Variants in GLRA3 observed in about 807,000 individuals in gnomAD.
GLRA3 encodes glycine receptor subunit alpha-3.
GLRA3 carries 44 observed loss-of-function variants against 60.4 expected under a neutral mutation model. The ratio of observed to expected loss-of-function variants is 0.73; its 90% CI spans 0.57 to 0.94. GLRA3 has a LOEUF of 0.94. Among genes scored for constraint, GLRA3 ranks in the 40% least tolerant of loss-of-function variants. The probability of loss-of-function intolerance (pLI) is 0.00; values close to 1 mark genes in which losing one functional copy is unlikely to be tolerated. For synonymous variants in GLRA3, 223 were observed against 192.9 expected, an observed-to-expected ratio of 1.16 and a Z score of -1.29; for missense variants, 508 against 564.6, an observed-to-expected ratio of 0.90 and a Z score of 1.02.
Position 174,643,600 on chromosome 4 carries a change from T to A in GLRA3, c.*186A>T. 1 of 1,303,406 alleles carries A rather than the reference T, an allele frequency of 7.7e-7. No homozygotes were observed. The highest frequency in any genetic ancestry group is 9.8e-7 in the Non-Finnish European group (1 of 1,022,174). The allele number at this position is 1,303,406 out of a possible 1,614,324, so 80.7% of individuals were successfully genotyped here. Reference sequence around the variant, plus strand: ...AGAATCCCCTAATAAATATTTTATATTCATTAAAAGAATCTCATCTTTCTC... The same window carrying A: ...AGAATCCCCTAATAAATATTTTATAATCATTAAAAGAATCTCATCTTTCTC... On this transcript the variant is annotated 3_prime_UTR_variant, in exon 10 of 10. Transcript: ENST00000274093.
chr4:174,730,841 G>A (rs1017094966), intron 3 of GLRA3, among the ~76,000 whole-genome samples: 3 of 152,066 alleles, frequency 2.0e-5, no homozygotes, highest in African/African-American at 7.2e-5. Flanking sequence ...TTTAGTTTAG[G>A]GAAGTAAGAA....
intron 5 of GLRA3, 150 bp from the exon 6 acceptor site, chr4:174,683,089 C>A: frequency 1.6e-6 from 1 of 611,916 alleles, no homozygotes; most frequent in South Asian, 2.1e-5. Context: ...TGCCCAATTC[C>A]GTTTCATAAA....
chr4:174,778,940 CG>C lies in GLRA3; in HGVS notation c.199+9875del, dbSNP rs1247320110. ...GGCTTGCTTAGGTAAACAAAGCAGC[CG>C]GGAAGCTCCAACTGGGTGGAGCCCA... is the stretch of plus-strand genomic sequence containing the variant. On this transcript the variant is annotated intron_variant, in intron 2 of 9. Transcript: ENST00000274093. Among the ~76,000 whole-genome samples, 1,444 of 152,142 alleles carry C rather than the reference CG, an allele frequency of 9.5e-3. 24 individuals are homozygous for C. Among genetic ancestry groups the C allele is most frequent in the African/African-American group, 0.033 (1,362 of 41,500 alleles).
intron 1 of GLRA3, among the ~76,000 whole-genome samples, chr4:174,803,068 C>T (rs1471688985): frequency 6.6e-6 from 1 of 152,050 alleles, no homozygotes. Context: ...AAATATATGA[C>T]AAAAATTAGT....
intron 1 of GLRA3, among the ~76,000 whole-genome samples, chr4:174,811,123 G>T (rs943830165): frequency 6.8e-6 from 1 of 146,784 alleles, no homozygotes; most frequent in South Asian, 2.1e-4. Flanking sequence ...ACAGAGAGAT[G>T]CATGCACTCA....
chr4:174,769,606 T>C (rs1307133812), intron 2 of GLRA3, among the ~76,000 whole-genome samples: 2 of 152,116 alleles, frequency 1.3e-5, no homozygotes, highest in Non-Finnish European at 2.9e-5. Flanking sequence ...TGTTTTGCTC[T>C]GGTTCAAAGC....
intron 7 of GLRA3, among the ~76,000 whole-genome samples, chr4:174,671,095 T>C (rs934417168): frequency 6.6e-6 from 1 of 152,150 alleles, no homozygotes; most frequent in African/African-American, 2.4e-5. Flanking sequence ...ATATGTTGCT[T>C]ATATCAAACA....
At chr4:174,658,316 T>C (rs143885539) in intron 8 of GLRA3, among the ~76,000 whole-genome samples, 10 of 152,144 alleles carry the variant, frequency 6.6e-5, no homozygotes, top group Non-Finnish European at 5.9e-5. Flanking sequence ...ATAGAGGCTC[T>C]CTCTTATAGA....
intron 1 of GLRA3, among the ~76,000 whole-genome samples, chr4:174,799,358 C>T (rs1017631218): frequency 6.6e-6 from 1 of 152,114 alleles, no homozygotes; most frequent in Non-Finnish European, 1.5e-5. Flanking sequence ...CATGGCAGTG[C>T]TAAAAACACC....
At chr4:174,745,744 G>T (rs112136438) in intron 3 of GLRA3, among the ~76,000 whole-genome samples, 1,546 of 151,702 alleles carry the variant, frequency 0.01, 23 homozygotes, top group African/African-American at 0.035. Context: ...TCATCTGACA[G>T]GTGACTAATA....
chr4:174,785,433 T>C (rs966774674), intron 2 of GLRA3, among the ~76,000 whole-genome samples: 6 of 152,202 alleles, frequency 3.9e-5, no homozygotes, highest in Non-Finnish European at 7.4e-5. Flanking sequence ...ATGTATATAA[T>C]GCTGGAACAT....
intron 1 of GLRA3, among the ~76,000 whole-genome samples, chr4:174,808,602 G>C (rs1431147092): frequency 1.3e-5 from 2 of 152,058 alleles, no homozygotes; most frequent in African/African-American, 2.4e-5. Context: ...TCCTCAGGCA[G>C]GTCCTTCAGG....
chr4:174,788,525 C>T (rs977776343), intron 2 of GLRA3, among the ~76,000 whole-genome samples: 2 of 137,294 alleles, frequency 1.5e-5, no homozygotes, highest in Admixed American at 1.6e-4. Context: ...ATAAAGGATA[C>T]GTACATATAT....
intron 3 of GLRA3, among the ~76,000 whole-genome samples, chr4:174,736,248 A>G (rs774943030): frequency 6.6e-6 from 1 of 152,166 alleles, no homozygotes; most frequent in African/African-American, 2.4e-5. Flanking sequence ...GGTCAAATAT[A>G]CATAACATTT....
At chr4:174,814,675 G>C (rs1276305013) in intron 1 of GLRA3, among the ~76,000 whole-genome samples, 1 of 152,204 alleles carries the variant, frequency 6.6e-6, no homozygotes, top group African/African-American at 2.4e-5. Context: ...CAAAGAGAGA[G>C]AGCTTGTGCA....
In GLRA3 at chr4:174,646,462, C is replaced by T. The variant is rs114787125; in HGVS notation, c.1117-2398G>A. On this transcript the variant is annotated intron_variant, in intron 9 of 9. Coordinates refer to ENST00000274093, the MANE Select transcript of GLRA3 (RefSeq NM_006529.4). ...TTTCCTTGAAAACAATGGAGATAAG[C>T]TACAGGGGGAATTGGAGTCGGCCTT... Among the ~76,000 whole-genome samples, 400 of 152,130 alleles carry T rather than the reference C, an allele frequency of 2.6e-3. 1 individual carries two copies. Among genetic ancestry groups the T allele is most frequent in the Middle Eastern group, 6.8e-3 (2 of 294 alleles).
chr4:174,756,778 G>T (rs1248571930), intron 3 of GLRA3, among the ~76,000 whole-genome samples: 1 of 151,820 alleles, frequency 6.6e-6, no homozygotes, highest in African/African-American at 2.4e-5. Context: ...CCGAGTAGCT[G>T]GAACTACAGG....
chr4:174,802,543 C>G (rs983331102), intron 1 of GLRA3, among the ~76,000 whole-genome samples: 1 of 151,916 alleles, frequency 6.6e-6, no homozygotes, highest in East Asian at 1.9e-4. Context: ...TTATATAGAC[C>G]TCCAATTTTA....
At chr4:174,689,361 G>A (rs1734691895) in intron 5 of GLRA3, among the ~76,000 whole-genome samples, 2 of 152,264 alleles carry the variant, frequency 1.3e-5, no homozygotes, top group African/African-American at 4.8e-5. Context: ...TATCTGTGTA[G>A]CAGCAAAGTA....
Sources: gnomAD v4.1 joint callset for allele counts (sites outside exome capture counted in the v4.1 genomes callset) on GRCh38, gnomAD v4.1.1 for gene constraint, MANE v1.5 for transcripts, NCBI Gene and HGNC (gene_info 2026-07-23, HGNC 2026-07-21) for gene names.